Variants in GNA11 observed in about 807,000 individuals in gnomAD.
GNA11 encodes G protein subunit alpha 11.
GNA11 carries 8 observed loss-of-function variants against 38.2 expected under a neutral mutation model. The ratio of observed to expected loss-of-function variants is 0.21; its 90% CI spans 0.12 to 0.38. The LOEUF (loss-of-function observed/expected upper bound fraction) is 0.38, where lower values mean the gene tolerates loss of function less well. Among genes scored for constraint, GNA11 ranks in the 10% least tolerant of loss-of-function variants. The probability of loss-of-function intolerance (pLI) is 1.00; values close to 1 mark genes in which losing one functional copy is unlikely to be tolerated. For missense variants in GNA11, 268 were observed against 516.3 expected, an observed-to-expected ratio of 0.52 and a Z score of 4.66; for synonymous variants, 211 against 221.4, an observed-to-expected ratio of 0.95 and a Z score of 0.42.
At chr19:3,114,366 G>T (rs1187134479) in intron 3 of GNA11, among the ~76,000 whole-genome samples, 1 of 152,220 alleles carries the variant, frequency 6.6e-6, no homozygotes, top group Non-Finnish European at 1.5e-5. Context: ...GCAGGAAAAG[G>T]CATGAGGGGA....
At position 3,110,837 on chromosome 19, in the gene GNA11, C is replaced by G. The variant is rs1000450360; in HGVS notation, c.321+504C>G. Reference sequence around the variant, plus strand: ...TTTTGAAAACAGGGTCTCGCTCTGTCGCCCAGGCTGGAGTGCAGTGGAATG... The same window carrying G: ...TTTTGAAAACAGGGTCTCGCTCTGTGGCCCAGGCTGGAGTGCAGTGGAATG... On this transcript the variant is annotated intron_variant, in intron 2 of 6. Coordinates refer to ENST00000078429, the MANE Select transcript of GNA11 (RefSeq NM_002067.5). The surrounding 1 kb of genome is among the most constrained non-coding windows in gnomAD (Gnocchi z 5.4). 2.0e-5 allele frequency among the ~76,000 whole-genome samples: 3 copies of G among 152,006 alleles called. No individual in the cohort carries two copies. Among genetic ancestry groups the G allele is most frequent in the Non-Finnish European group, 2.9e-5 (2 of 68,022 alleles).
At chr19:3,105,245 G>T (rs992387890) in intron 1 of GNA11, among the ~76,000 whole-genome samples, 2 of 152,210 alleles carry the variant, frequency 1.3e-5, no homozygotes, top group African/African-American at 2.4e-5. Flanking sequence ...CTGGCTTCCT[G>T]CAGTGTTCTC....
At position 3,094,777 on chromosome 19, in the gene GNA11, G is replaced by A. The variant is rs368438123; in HGVS notation, c.126G>A (p.Leu42=). ...DKRDARRELK[L]LLLGTGESGK... is the part of the protein sequence containing the mutation. ...GCGACGCCCGGCGCGAGCTCAAGCT[G>A]CTGCTGCTCGGTGAGTGCGGCCCCC... The change falls in exon 1 of 7, where the codon CTG becomes CTA. Residue 42 remains leucine (L), a synonymous_variant. Transcript: ENST00000078429. This position sits in a 1 kb window ranked among gnomAD's most constrained non-coding sequence, Gnocchi z 6.0. 2.5e-5 allele frequency: 40 copies of A among 1,583,746 alleles called. No individual in the cohort carries two copies. In the African/African-American group the frequency reaches 5.2e-4, roughly 20 times the overall value.
intron 1 of GNA11, among the ~76,000 whole-genome samples, chr19:3,107,180 G>A (rs987213377): frequency 1.1e-4 from 16 of 152,202 alleles, no homozygotes; most frequent in African/African-American, 3.9e-4. Context: ...AGCTTGCAGT[G>A]AGCCAAGATT....
chr19:3,100,478 G>A lies in GNA11; in HGVS notation c.136+5691G>A, dbSNP rs540424102. Among the ~76,000 whole-genome samples, 3 of 152,346 alleles carry A rather than the reference G, an allele frequency of 2.0e-5. No individual in the cohort carries two copies. The East Asian group carries it at 5.8e-4, about 29-fold the overall frequency. On this transcript the variant is annotated intron_variant, in intron 1 of 6. Transcript: ENST00000078429. ...TCTCAGAGATGCTTGGCGAGTGACCGTCATTGGCTGACTGAAGGCAGATCA... is the reference window on the plus strand; with the variant it reads ...TCTCAGAGATGCTTGGCGAGTGACCATCATTGGCTGACTGAAGGCAGATCA...
chr19:3,119,307 G>A lies in GNA11; in HGVS notation c.837G>A (p.Leu279=), dbSNP rs1914006200. The A allele has an allele frequency of 1.2e-6, 2 of 1,613,708 alleles. No homozygotes were observed. Among genetic ancestry groups the A allele is most frequent in the Non-Finnish European group, 1.7e-6 (2 of 1,179,842 alleles). ...VILFLNKKDL[L]EDKILYSHLV... ...TCTTCCTCAACAAGAAGGACCTGCT[G>A]GAGGACAAGATCCTGTACTCGCACC... Residue 279 remains leucine, a synonymous_variant, in exon 6 of 7, where the codon CTG becomes CTA. Transcript: ENST00000078429. This position sits in a 1 kb window ranked among gnomAD's most constrained non-coding sequence, Gnocchi z 4.6.
chr19:3,098,713 A>C (rs1181904530), intron 1 of GNA11, among the ~76,000 whole-genome samples: 1 of 152,158 alleles, frequency 6.6e-6, no homozygotes, highest in East Asian at 1.9e-4. Context: ...CTGTTGGCCC[A>C]GTGTTGGGAG....
At chr19:3,118,285 G>A (rs1429492260) in intron 4 of GNA11, 1 of 152,128 alleles carries the variant, frequency 6.6e-6, no homozygotes, top group Non-Finnish European at 1.5e-5. Flanking sequence ...AGTAGAAAGA[G>A]GCAAACGTCC....
In GNA11 at chr19:3,122,984, G is replaced by A. The variant is rs543081341; in HGVS notation, c.*1805G>A. On this transcript the variant is annotated 3_prime_UTR_variant, in exon 7 of 7. Transcript: ENST00000078429. This position sits in a 1 kb window ranked among gnomAD's most constrained non-coding sequence, Gnocchi z 7.7. The stretch of plus-strand genomic sequence containing the variant: ...TCCCCACACCACTTCTGTCTCACCC[G>A]GAAGCGTCCTTTTTTTGTGCCAGGT... 1.3e-3 allele frequency: 310 copies of A among 232,574 alleles called. 4 individuals are homozygous for A. The highest frequency in any genetic ancestry group is 6.2e-3 in the African/African-American group (281 of 45,228). The allele number at this position is 232,574 out of a possible 1,614,324, so 14.4% of individuals were successfully genotyped here.
chr19:3,109,967 C>T lies in GNA11; in HGVS notation c.137-182C>T, dbSNP rs555054645. The stretch of plus-strand genomic sequence containing the variant: ...CTGGCTTGGTGGAAGATGGGAAGGG[C>T]GCTTTGTAAACTCTTTCCGAGGAGT... On this transcript the variant is annotated intron_variant, in intron 1 of 6. Transcript: ENST00000078429. Among the ~76,000 whole-genome samples, 12 of 152,038 alleles carry T rather than the reference C, an allele frequency of 7.9e-5. No homozygotes were observed. In the South Asian group the frequency reaches 1.7e-3, roughly 21 times the overall value.
In GNA11 at chr19:3,110,122, C is replaced by T; in HGVS notation, c.137-27C>T. ...CACGAGAGTCAGGCCCCGGCTGCCG[C>T]CCGCCCTCACGTGCCCCGTCCCCCA... On this transcript the variant is annotated intron_variant, in intron 1 of 6. Coordinates refer to ENST00000078429, the MANE Select transcript of GNA11 (RefSeq NM_002067.5). The surrounding 1 kb of genome is among the most constrained non-coding windows in gnomAD (Gnocchi z 5.4). The T allele has an allele frequency of 6.4e-7, 1 of 1,564,140 alleles. No individual in the cohort carries two copies. The highest frequency in any genetic ancestry group is 1.2e-5 in the South Asian group (1 of 85,696).
At chr19:3,113,546 C>G in intron 3 of GNA11, 62 bp downstream of exon 3, 2 of 1,329,746 alleles carry the variant, frequency 1.5e-6, no homozygotes, top group Middle Eastern at 1.9e-4. Context: ...GCCTGGGACC[C>G]TTCGGGAAGG....
intron 1 of GNA11, among the ~76,000 whole-genome samples, chr19:3,103,157 G>A (rs1406821698): frequency 6.6e-6 from 1 of 152,210 alleles, no homozygotes; most frequent in Non-Finnish European, 1.5e-5. Context: ...TCTCAGCCCT[G>A]CCACTGGGGT....
Position 3,110,403 on chromosome 19 carries a change from G to T in GNA11, c.321+70G>T. 1 of 1,301,618 alleles carries T rather than the reference G, an allele frequency of 7.7e-7. No homozygotes were observed. Among genetic ancestry groups the T allele is most frequent in the Non-Finnish European group, 1.1e-6 (1 of 915,560 alleles). 80.6% of individuals were successfully genotyped at this position (1,301,618 alleles called of 1,614,324 possible). On this transcript the variant is annotated intron_variant, in intron 2 of 6. Coordinates refer to ENST00000078429, the MANE Select transcript of GNA11 (RefSeq NM_002067.5). This position sits in a 1 kb window ranked among gnomAD's most constrained non-coding sequence, Gnocchi z 5.4. Reference sequence around the variant, plus strand: ...GGGCTTGGTGGTGAGCATGGTGGCCGCGCTGCCAGGGTGGGGCCATGCCGG... The same window carrying T: ...GGGCTTGGTGGTGAGCATGGTGGCCTCGCTGCCAGGGTGGGGCCATGCCGG...
chr19:3,106,621 A>T (rs1913644863), intron 1 of GNA11, among the ~76,000 whole-genome samples: 1 of 143,554 alleles, frequency 7.0e-6, no homozygotes, highest in African/African-American at 2.6e-5. Context: ...GAGTGGCTTC[A>T]CCCAGCGGGA....
At chr19:3,098,998 C>T (rs574636941) in intron 1 of GNA11, among the ~76,000 whole-genome samples, 4 of 152,226 alleles carry the variant, frequency 2.6e-5, no homozygotes, top group African/African-American at 9.6e-5. Context: ...GGAGCTTCCT[C>T]CCGAGCCTCC....
In GNA11 at chr19:3,123,458, G is replaced by A; in HGVS notation, c.*2279G>A. The stretch of plus-strand genomic sequence containing the variant: ...TCGTGCCAGTGGCACCCAGGGGCAA[G>A]GACAGCCAACCCCCACCCTTGCCAC... On this transcript the variant is annotated 3_prime_UTR_variant, in exon 7 of 7. Coordinates refer to ENST00000078429, the MANE Select transcript of GNA11 (RefSeq NM_002067.5). The A allele has an allele frequency of 4.3e-6, 1 of 233,386 alleles. No homozygotes were observed. The highest frequency in any genetic ancestry group is 8.5e-6 in the Non-Finnish European group (1 of 118,076). 14.5% of individuals were successfully genotyped at this position (233,386 alleles called of 1,614,324 possible).
rs578185358 is a variant in GNA11 at position 3,122,515 on chromosome 19, C to T, written c.*1336C>T. The T allele has an allele frequency of 4.3e-6, 1 of 232,438 alleles. No homozygotes were observed. Among genetic ancestry groups the T allele is most frequent in the Non-Finnish European group, 8.5e-6 (1 of 117,532 alleles). 14.4% of individuals were successfully genotyped at this position (232,438 alleles called of 1,614,324 possible). ...CCCGGGGCCCCTTGAGGCACTGAGG[C>T]ACCGAGACTGGTTCTCCCCGAGAGA... On this transcript the variant is annotated 3_prime_UTR_variant, in exon 7 of 7. Coordinates refer to ENST00000078429, the MANE Select transcript of GNA11 (RefSeq NM_002067.5). This position sits in a 1 kb window ranked among gnomAD's most constrained non-coding sequence, Gnocchi z 7.7.
At chr19:3,099,215 G>A (rs1382636035) in intron 1 of GNA11, among the ~76,000 whole-genome samples, 2 of 148,876 alleles carry the variant, frequency 1.3e-5, no homozygotes, top group Non-Finnish European at 3.0e-5. Flanking sequence ...GGGCGCTCGC[G>A]GGGCCTGCTC....
Sources: gnomAD v4.1 joint callset for allele counts (sites outside exome capture counted in the v4.1 genomes callset) on GRCh38, gnomAD v4.1.1 for gene constraint, Gnocchi (gnomAD v3.1) non-coding constraint, MANE v1.5 for transcripts, NCBI Gene and HGNC (gene_info 2026-07-23, HGNC 2026-07-21) for gene names.